The following KCNJ6 variants were observed in gnomAD, a reference collection of about 807,000 sequenced individuals.
The protein encoded by KCNJ6 is G protein-activated inward rectifier potassium channel 2.
KCNJ6 carries 9 observed loss-of-function variants against 34.2 expected under a neutral mutation model. That is an observed-to-expected ratio of 0.26 (90% CI 0.16 to 0.46). The LOEUF is 0.46. KCNJ6 is among the 20% of genes least tolerant of loss of function. The pLI is 1.00. For missense variants in KCNJ6, 236 were observed against 531.3 expected, an observed-to-expected ratio of 0.44 and a Z score of 5.46; for synonymous variants, 196 against 207.1, an observed-to-expected ratio of 0.95 and a Z score of 0.46.
rs2123349802 is a variant in KCNJ6 at position 37,613,890 on chromosome 21, A to G, written c.*11269T>C. The G allele has an allele frequency of 6.6e-6, 1 of 152,322 alleles. No homozygotes were observed. The highest frequency in any genetic ancestry group is 6.5e-5 in the Admixed American group (1 of 15,298). The allele number at this position is 152,322 out of a possible 1,614,324, so 9.4% of individuals were successfully genotyped here. A position where few individuals can be genotyped will look rare whatever the true frequency, so the allele number is the denominator to read the frequency against. ...TCCATAGAATGTACAACACCATTGTAAACAATGGACTCTGGGGTGATAGTA... is the reference window on the plus strand; with the variant it reads ...TCCATAGAATGTACAACACCATTGTGAACAATGGACTCTGGGGTGATAGTA... On this transcript the variant is annotated 3_prime_UTR_variant, in exon 4 of 4. Coordinates refer to ENST00000609713, the MANE Select transcript of KCNJ6 (RefSeq NM_002240.5).
At chr21:37,758,013 G>T (rs2055039860) in intron 2 of KCNJ6, among the ~76,000 whole-genome samples, 1 of 152,224 alleles carries the variant, frequency 6.6e-6, no homozygotes. Flanking sequence ...TAGGTTTCAG[G>T]GTGTCACTGG....
intron 2 of KCNJ6, among the ~76,000 whole-genome samples, chr21:37,808,200 C>T (rs1035102076): frequency 1.4e-4 from 21 of 152,148 alleles, no homozygotes; most frequent in Non-Finnish European, 2.2e-4. Flanking sequence ...TAACGAAATC[C>T]GTGGAATTTG....
chr21:37,859,128 G>T (rs2055579874), intron 1 of KCNJ6, among the ~76,000 whole-genome samples: 1 of 151,916 alleles, frequency 6.6e-6, no homozygotes, highest in African/African-American at 2.4e-5. Flanking sequence ...ATATTTTTAA[G>T]ATCTAGAGGC....
intron 2 of KCNJ6, among the ~76,000 whole-genome samples, chr21:37,740,990 G>C (rs1027794193): frequency 3.3e-5 from 5 of 152,166 alleles, no homozygotes; most frequent in African/African-American, 1.2e-4. Context: ...CCCATGGTTT[G>C]TCTTCAGCCT....
At chr21:37,737,433 G>A (rs1017003009) in intron 2 of KCNJ6, among the ~76,000 whole-genome samples, 3 of 151,712 alleles carry the variant, frequency 2.0e-5, no homozygotes, top group Middle Eastern at 6.8e-3. Context: ...GAAGCAGAAC[G>A]AAAGTCAAGA....
In KCNJ6 at chr21:37,911,359, C is replaced by T. The variant is rs534002560; in HGVS notation, c.-28+4525G>A. ...TTTTGATGATTTTTCAACTTAACTG[C>T]CAATTTCCCCCTTACTGGTATTACC... On this transcript the variant is annotated intron_variant, in intron 1 of 3. Coordinates refer to ENST00000609713, the MANE Select transcript of KCNJ6 (RefSeq NM_002240.5). Among the ~76,000 whole-genome samples, 29 of 152,256 alleles carry T rather than the reference C, an allele frequency of 1.9e-4. No homozygotes were observed. In the East Asian group the frequency reaches 2.5e-3, roughly 13 times the overall value.
intron 3 of KCNJ6, among the ~76,000 whole-genome samples, chr21:37,649,157 A>AAAAAAAAAC (rs755535850): frequency 1.2e-4 from 16 of 134,010 alleles, no homozygotes; most frequent in Admixed American, 3.1e-4. Context: ...AAAAAAAAGA[A>AAAAAAAAAC]AGAAAAAGAA....
chr21:37,840,117 G>A (rs1369959869), intron 2 of KCNJ6, among the ~76,000 whole-genome samples: 1 of 152,164 alleles, frequency 6.6e-6, no homozygotes, highest in East Asian at 1.9e-4. Flanking sequence ...TCTTAAAAAT[G>A]CTTTGTGTAT....
In KCNJ6 at chr21:37,663,463, C is replaced by CA. The variant is rs34378084; in HGVS notation, c.947-37980dup. Among the ~76,000 whole-genome samples, 176 of 146,200 alleles carry CA rather than the reference C, an allele frequency of 1.2e-3. 2 individuals carry two copies. The highest frequency in any genetic ancestry group is 2.9e-3 in the African/African-American group (114 of 39,800). ...AAAAGACAAAGAGAGTTTCATGAAA[C>CA]AAAAAAAAAAAATCCAGCTACATAC... On this transcript the variant is annotated intron_variant, in intron 3 of 3. Coordinates refer to ENST00000609713, the MANE Select transcript of KCNJ6 (RefSeq NM_002240.5).
intron 2 of KCNJ6, among the ~76,000 whole-genome samples, chr21:37,787,436 T>G (rs2055197868): frequency 6.6e-6 from 1 of 152,186 alleles, no homozygotes; most frequent in Non-Finnish European, 1.5e-5. Flanking sequence ...GGGGATCTCA[T>G]AATACATGCT....
At chr21:37,765,956 T>C (rs1046754130) in intron 2 of KCNJ6, among the ~76,000 whole-genome samples, 1 of 152,228 alleles carries the variant, frequency 6.6e-6, no homozygotes, top group African/African-American at 2.4e-5. Context: ...TATTATGTAT[T>C]TTGCATATTT....
rs554868531 is a variant in KCNJ6 at position 37,686,065 on chromosome 21, C to A, written c.946+28146G>T. 3.0e-3 allele frequency among the ~76,000 whole-genome samples: 459 copies of A among 152,140 alleles called. 5 individuals carry two copies. Among genetic ancestry groups the A allele is most frequent in the South Asian group, 2.1e-3 (10 of 4,818 alleles). ...CTATCCAAGCAGAGGGACTGCAGAA[C>A]AGAGGATGGAAAGGGATGTATTTTT... On this transcript the variant is annotated intron_variant, in intron 3 of 3. Coordinates refer to ENST00000609713, the MANE Select transcript of KCNJ6 (RefSeq NM_002240.5).
chr21:37,649,370 CCA>C (rs2054421633), intron 3 of KCNJ6, among the ~76,000 whole-genome samples: 1 of 152,104 alleles, frequency 6.6e-6, no homozygotes. Context: ...CAATGTTGTT[CCA>C]CAGACTCAGA....
rs140076443 is a variant in KCNJ6 at position 37,912,292 on chromosome 21, T to C, written c.-28+3592A>G. 3.9e-5 allele frequency among the ~76,000 whole-genome samples: 6 copies of C among 152,350 alleles called. No individual in the cohort carries two copies. The East Asian group carries it at 9.6e-4, about 24-fold the overall frequency. ...GACTGAAAAGGGCATAGTGACACTT[T>C]GTTAATCAATTAGCCACCTAGGAAG... is the stretch of plus-strand genomic sequence containing the variant. On this transcript the variant is annotated intron_variant, in intron 1 of 3. Coordinates refer to ENST00000609713, the MANE Select transcript of KCNJ6 (RefSeq NM_002240.5).
intron 3 of KCNJ6, among the ~76,000 whole-genome samples, chr21:37,692,246 T>C (rs971009237): frequency 6.6e-6 from 1 of 152,084 alleles, no homozygotes; most frequent in African/African-American, 2.4e-5. Context: ...ACAAAAAACG[T>C]AGAGTGGCAG....
At chr21:37,676,076 A>G (rs571841357) in intron 3 of KCNJ6, among the ~76,000 whole-genome samples, 1 of 152,226 alleles carries the variant, frequency 6.6e-6, no homozygotes, top group Non-Finnish European at 1.5e-5. Flanking sequence ...GCACCACAGA[A>G]CTGCAGGAGT....
chr21:37,712,028 A>T (rs1300310109), intron 3 of KCNJ6, among the ~76,000 whole-genome samples: 1 of 152,214 alleles, frequency 6.6e-6, no homozygotes, highest in African/African-American at 2.4e-5. Flanking sequence ...ACCAGCTGTC[A>T]TCAGAAAGCC....
chr21:37,849,188 G>GT (rs2055525232), intron 1 of KCNJ6, among the ~76,000 whole-genome samples: 1 of 152,190 alleles, frequency 6.6e-6, no homozygotes, highest in Admixed American at 6.5e-5. Flanking sequence ...CTGCTTCCAA[G>GT]ATGCACCTAT....
intron 3 of KCNJ6, among the ~76,000 whole-genome samples, chr21:37,673,239 G>A (rs1352093805): frequency 6.6e-6 from 1 of 152,250 alleles, no homozygotes; most frequent in Non-Finnish European, 1.5e-5. Context: ...GGCTATGGCC[G>A]ATAGGCCCAG....
Sources: gnomAD v4.1 joint callset for allele counts (sites outside exome capture counted in the v4.1 genomes callset) on GRCh38, gnomAD v4.1.1 for gene constraint, MANE v1.5 for transcripts, NCBI Gene and HGNC (gene_info 2026-07-23, HGNC 2026-07-21) for gene names.